The following ZNF197 variants were observed in gnomAD, a reference collection of about 807,000 sequenced individuals.
ZNF197 encodes VHL-associated KRAB-A domain-containing protein.
ZNF197 carries 14 observed loss-of-function variants against 27.4 expected under a neutral mutation model. The ratio of observed to expected loss-of-function variants is 0.51; its 90% CI spans 0.34 to 0.80. ZNF197 has a LOEUF of 0.80. Ranked by LOEUF, ZNF197 falls within the 30% of genes least tolerant of loss-of-function variation. The pLI, the probability that ZNF197 is intolerant of heterozygous loss-of-function variation, is 0.02. For missense variants in ZNF197, 1,090 were observed against 1,222.6 expected, an observed-to-expected ratio of 0.89 and a Z score of 1.62; for synonymous variants, 415 against 420.0, an observed-to-expected ratio of 0.99 and a Z score of 0.15.
At chr3:44,632,802 T>G (rs1254709960) in intron 5 of ZNF197, among the ~76,000 whole-genome samples, 1 of 152,058 alleles carries the variant, frequency 6.6e-6, no homozygotes, top group Non-Finnish European at 1.5e-5. Context: ...TTTGAGGGAT[T>G]TTTTACATTG....
chr3:44,632,329 C>T, intron 4 of ZNF197, 133 bp downstream of exon 4: 3 of 1,488,666 alleles, frequency 2.0e-6, no homozygotes, highest in Non-Finnish European at 2.8e-6. Context: ...GGAAGACAGA[C>T]TTTACATGTG....
intron 2 of ZNF197, 120 bp downstream of exon 2, chr3:44,629,664 C>T: frequency 5.5e-6 from 7 of 1,264,412 alleles, no homozygotes; most frequent in Non-Finnish European, 7.4e-6. Context: ...AGCACACTAG[C>T]AACCTTAATG....
intron 2 of ZNF197, among the ~76,000 whole-genome samples, chr3:44,629,922 G>T (rs2125795711): frequency 6.6e-6 from 1 of 152,316 alleles, no homozygotes; most frequent in East Asian, 1.9e-4. Context: ...TGTAAGCCTA[G>T]AGTATAAAAG....
At chr3:44,628,110 G>A (rs764253832) in intron 1 of ZNF197, among the ~76,000 whole-genome samples, 11 of 152,136 alleles carry the variant, frequency 7.2e-5, no homozygotes, top group Non-Finnish European at 1.2e-4. Context: ...GAAGAAATAA[G>A]CAGAGATGTA....
At chr3:44,631,007 G>T in intron 2 of ZNF197, 55 bp from the exon 3 acceptor site, 2 of 1,611,782 alleles carry the variant, frequency 1.2e-6, no homozygotes, top group African/African-American at 2.7e-5. Flanking sequence ...CAGTGCTTAG[G>T]TGAGTCCATT....
In ZNF197 at chr3:44,640,105, G is replaced by A. The variant is rs898259790; in HGVS notation, c.770-1795G>A. Among the ~76,000 whole-genome samples the A allele has an allele frequency of 6.6e-6, 1 of 152,110 alleles. No individual in the cohort carries two copies. The highest frequency in any genetic ancestry group is 1.5e-5 in the Non-Finnish European group (1 of 68,022). ...TTCTTGCAGGCTTCATTCACCAAAGGTTATGGAAAGTAACCAGCTCCCTCT... is the reference window on the plus strand; with the variant it reads ...TTCTTGCAGGCTTCATTCACCAAAGATTATGGAAAGTAACCAGCTCCCTCT... On this transcript the variant is annotated intron_variant, in intron 5 of 5. Coordinates refer to ENST00000344387, the MANE Select transcript of ZNF197 (RefSeq NM_006991.5). This position sits in a 1 kb window ranked among gnomAD's most constrained non-coding sequence, Gnocchi z 4.0.
chr3:44,628,696 G>A (rs555137326), intron 1 of ZNF197, among the ~76,000 whole-genome samples: 3 of 152,306 alleles, frequency 2.0e-5, no homozygotes, highest in African/African-American at 7.2e-5. Context: ...GGTAGGAACT[G>A]TTACTATCCC....
In ZNF197 at chr3:44,642,138, A is replaced by G; in HGVS notation, c.1008A>G (p.Pro336=). 6.2e-7 allele frequency: 1 copy of G among 1,614,160 alleles called. No individual in the cohort carries two copies. Among genetic ancestry groups the G allele is most frequent in the Non-Finnish European group, 8.5e-7 (1 of 1,180,006 alleles). Residue 336 remains proline (P), a synonymous_variant, in exon 6 of 6, where the codon CCA becomes CCG. Coordinates refer to ENST00000344387, the MANE Select transcript of ZNF197 (RefSeq NM_006991.5). ...AACGAGACAAGAAGAAAAGGACTCC[A>G]CCAGAGAAACAAGGCCAAAAGTGGA... The part of the protein sequence containing the change: ...LCERDKKKRT[P]PEKQGQKWKE...
In ZNF197 at chr3:44,629,553, G is replaced by GA; in HGVS notation, c.390+10dup. ...ATGGACCAGCAATACAAGTGAGAAAGACAGGGAGGGGCGGTGGGTGTTGGG... is the reference window on the plus strand; with the variant it reads ...ATGGACCAGCAATACAAGTGAGAAAGAACAGGGAGGGGCGGTGGGTGTTGGG... On this transcript the variant is annotated intron_variant, in intron 2 of 5. Coordinates refer to ENST00000344387, the MANE Select transcript of ZNF197 (RefSeq NM_006991.5). 7 of 1,540,670 alleles carry GA rather than the reference G, an allele frequency of 4.5e-6. No individual in the cohort carries two copies. Among genetic ancestry groups the GA allele is most frequent in the Non-Finnish European group, 6.1e-6 (7 of 1,145,104 alleles).
chr3:44,643,954 A>G lies in ZNF197; in HGVS notation c.2824A>G (p.Lys942Glu), dbSNP rs543730571. 3 of 1,614,176 alleles carry G rather than the reference A, an allele frequency of 1.9e-6. No individual in the cohort carries two copies. Among genetic ancestry groups the G allele is most frequent in the East Asian group, 4.5e-5 (2 of 44,868 alleles). Residue 942 changes from lysine (K) to glutamate (E), a missense_variant, in exon 6 of 6, where the codon AAG becomes GAG. By Grantham distance (56) the Lys-to-Glu change is moderately conservative (BLOSUM62 1). Transcript: ENST00000344387. ...CDKCRKSFTS[K>E]RNLVGHQRIH... ...CAAGTGTAGGAAATCCTTTACTTCT[A>G]AGAGGAATTTAGTTGGCCACCAGAG...
chr3:44,645,106 A>C lies in ZNF197; in HGVS notation c.*886A>C. On this transcript the variant is annotated 3_prime_UTR_variant, in exon 6 of 6. Coordinates refer to ENST00000344387, the MANE Select transcript of ZNF197 (RefSeq NM_006991.5). ...GATTCCTGGCTTTCCCTTAATGGCC[A>C]TGTGATGTTATTAAGTCAGCCTCTA... 3 of 974,270 alleles carry C rather than the reference A, an allele frequency of 3.1e-6. No homozygotes were observed. Among genetic ancestry groups the C allele is most frequent in the Non-Finnish European group, 3.7e-6 (3 of 819,856 alleles). 60.4% of individuals were successfully genotyped at this position (974,270 alleles called of 1,614,324 possible).
chr3:44,642,934 AT>A lies in ZNF197; in HGVS notation c.1808del (p.Phe603SerfsTer59). The A allele has an allele frequency of 1.2e-6, 2 of 1,614,020 alleles. No homozygotes were observed. The highest frequency in any genetic ancestry group is 2.7e-5 in the African/African-American group (2 of 75,010). On this transcript the variant is annotated frameshift_variant, in exon 6 of 6. Coordinates refer to ENST00000344387, the MANE Select transcript of ZNF197 (RefSeq NM_006991.5). LOFTEE classifies it low-confidence loss of function (END_TRUNC). Reference protein sequence around the residue: ...KTFGCKKCGKIFSSKSNFIDH... With the variant: ...KTFGCKKCGKXFSSKSNFIDH... ...CTTTGGTTGTAAAAAGTGTGGGAAGATTTTCAGTTCTAAGTCAAACTTCATT... is the reference window on the plus strand; with the variant it reads ...CTTTGGTTGTAAAAAGTGTGGGAAGATTTCAGTTCTAAGTCAAACTTCATT...
chr3:44,626,246 G>C (rs556474291), intron 1 of ZNF197, among the ~76,000 whole-genome samples: 9 of 152,100 alleles, frequency 5.9e-5, no homozygotes, highest in Admixed American at 5.9e-4. Flanking sequence ...CATGTGTTTA[G>C]ACTATTAGAA....
At position 44,644,389 on chromosome 3, in the gene ZNF197, A is replaced by G; in HGVS notation, c.*169A>G. On this transcript the variant is annotated 3_prime_UTR_variant, in exon 6 of 6. Coordinates refer to ENST00000344387, the MANE Select transcript of ZNF197 (RefSeq NM_006991.5). ...CTTGGTGGCTCATGCCTGTAATCCCAGCACTTTGAGAGGCCGAAGCGAGTG... is the reference window on the plus strand; with the variant it reads ...CTTGGTGGCTCATGCCTGTAATCCCGGCACTTTGAGAGGCCGAAGCGAGTG... The G allele has an allele frequency of 5.8e-6, 8 of 1,372,044 alleles. No individual in the cohort carries two copies. The highest frequency in any genetic ancestry group is 6.5e-6 in the Non-Finnish European group (7 of 1,068,940). 85.0% of individuals were successfully genotyped at this position (1,372,044 alleles called of 1,614,324 possible).
At chr3:44,626,718 G>C (rs548726522) in intron 1 of ZNF197, among the ~76,000 whole-genome samples, 1 of 152,290 alleles carries the variant, frequency 6.6e-6, no homozygotes, top group East Asian at 1.9e-4. Context: ...CCATACAGCT[G>C]TTTCTGATGG....
rs760445839 is a variant in ZNF197 at position 44,643,316 on chromosome 3, C to A, written c.2186C>A (p.Thr729Lys). ...TTTATGGTCCATCAGAAACTCCATA[C>A]ACAAGAGAAAGCCTACAAATGTGAG... Reference protein sequence around the residue: ...KSFMVHQKLHTQEKAYKCEDC... With the variant: ...KSFMVHQKLHKQEKAYKCEDC... Residue 729 changes from threonine (T) to lysine (K), a missense_variant, in exon 6 of 6, where the codon ACA (threonine) becomes AAA (lysine). Coordinates refer to ENST00000344387, the MANE Select transcript of ZNF197 (RefSeq NM_006991.5). The A allele has an allele frequency of 2.5e-6, 4 of 1,613,634 alleles. No individual in the cohort carries two copies. The highest frequency in any genetic ancestry group is 3.4e-6 in the Non-Finnish European group (4 of 1,179,906).
chr3:44,637,098 A>G lies in ZNF197; in HGVS notation c.769+4499A>G, dbSNP rs190237898. ...GTTGTAAGAGTTCTTTATATATTCT[A>G]TATATAAGTCCCGTAACAGATATAT... is the stretch of plus-strand genomic sequence containing the variant. On this transcript the variant is annotated intron_variant, in intron 5 of 5. Transcript: ENST00000344387. 5.3e-5 allele frequency among the ~76,000 whole-genome samples: 8 copies of G among 152,222 alleles called. No individual in the cohort carries two copies. The East Asian group carries it at 1.5e-3, about 29-fold the overall frequency.
rs369843769 is a variant in ZNF197, at chr3:44,642,921, A to G, written c.1791A>G (p.Lys597=). Residue 597 remains lysine (K), a synonymous_variant, in exon 6 of 6, where the codon AAA becomes AAG. Transcript: ENST00000344387. The part of the protein sequence containing the change: ...VHTEKKTFGC[K]KCGKIFSSKS... ...CAGAAAAGAAAACCTTTGGTTGTAAAAAGTGTGGGAAGATTTTCAGTTCTA... is the reference window on the plus strand; with the variant it reads ...CAGAAAAGAAAACCTTTGGTTGTAAGAAGTGTGGGAAGATTTTCAGTTCTA... 33 of 1,613,950 alleles carry G rather than the reference A, an allele frequency of 2.0e-5. No homozygotes were observed. The highest frequency in any genetic ancestry group is 3.3e-4 in the Middle Eastern group (2 of 6,084).
Position 44,646,052 on chromosome 3 carries a change from T to C in ZNF197, c.*1832T>C, listed in dbSNP as rs529616866. 9.9e-5 allele frequency: 98 copies of C among 985,466 alleles called. No individual in the cohort carries two copies. In the African/African-American group the frequency reaches 1.6e-3, roughly 16 times the overall value. 61.0% of individuals were successfully genotyped at this position (985,466 alleles called of 1,614,324 possible). A position where few individuals can be genotyped will look rare whatever the true frequency, so the allele number is the denominator to read the frequency against. Reference sequence around the variant, plus strand: ...AATGTTATTAATTCAACCCCACAGTTTCTTGGGGGCTGGTTCCTCATTAGA... The same window carrying C: ...AATGTTATTAATTCAACCCCACAGTCTCTTGGGGGCTGGTTCCTCATTAGA... On this transcript the variant is annotated 3_prime_UTR_variant, in exon 6 of 6. Coordinates refer to ENST00000344387, the MANE Select transcript of ZNF197 (RefSeq NM_006991.5).
Sources: gnomAD v4.1 joint callset for allele counts (sites outside exome capture counted in the v4.1 genomes callset) on GRCh38, gnomAD v4.1.1 for gene constraint, Gnocchi (gnomAD v3.1) non-coding constraint, MANE v1.5 for transcripts, NCBI Gene and HGNC (gene_info 2026-07-23, HGNC 2026-07-21) for gene names.